GRIP1: variants seen among roughly 807,000 people sequenced by gnomAD.
GRIP1 encodes the protein glutamate receptor interacting protein 1.
In GRIP1, 45 loss-of-function variants were observed where a neutral mutation model predicts 129.9. The observed-to-expected ratio is 0.35, with a 90% CI of 0.27 to 0.44. The LOEUF (loss-of-function observed/expected upper bound fraction) is 0.44, where lower values mean the gene tolerates loss of function less well. Ranked by LOEUF, GRIP1 falls within the 20% of genes least tolerant of loss-of-function variation. The probability of loss-of-function intolerance (pLI) is 1.00; values close to 1 mark genes in which losing one functional copy is unlikely to be tolerated. For synonymous variants in GRIP1, 530 were observed against 520.8 expected, an observed-to-expected ratio of 1.02 and a Z score of -0.24; for missense variants, 1,196 against 1,396.8, an observed-to-expected ratio of 0.86 and a Z score of 2.29.
chr12:66,877,141 T>C (rs989650168), intron 1 of GRIP1, among the ~76,000 whole-genome samples: 15 of 151,982 alleles, frequency 9.9e-5, no homozygotes, highest in Admixed American at 9.8e-4. Context: ...GGCATCTGAG[T>C]TGCCAATACA....
At chr12:67,060,330 A>G (rs1365363992) in intron 1 of GRIP1, among the ~76,000 whole-genome samples, 1 of 152,216 alleles carries the variant, frequency 6.6e-6, no homozygotes, top group Non-Finnish European at 1.5e-5. Flanking sequence ...TCACACTGCA[A>G]GAGGGAATTT....
intron 6 of GRIP1, among the ~76,000 whole-genome samples, chr12:66,517,079 T>G (rs1319425221): frequency 6.6e-6 from 1 of 152,138 alleles, no homozygotes; most frequent in African/African-American, 2.4e-5. Context: ...ATTATCTCTA[T>G]CTCTTAACAA....
intron 1 of GRIP1, among the ~76,000 whole-genome samples, chr12:67,033,758 T>C (rs939599389): frequency 5.3e-5 from 8 of 152,178 alleles, no homozygotes; most frequent in African/African-American, 1.9e-4. Context: ...CCATTGGTTG[T>C]CTCATATCTA....
chr12:66,973,760 G>A (rs1396877237), intron 1 of GRIP1, among the ~76,000 whole-genome samples: 1 of 151,918 alleles, frequency 6.6e-6, no homozygotes, highest in Non-Finnish European at 1.5e-5. Context: ...TACATATCAG[G>A]TACAAGTGCA....
At chr12:66,727,026 C>G (rs1007659442) in intron 1 of GRIP1, among the ~76,000 whole-genome samples, 1 of 152,110 alleles carries the variant, frequency 6.6e-6, no homozygotes, top group Non-Finnish European at 1.5e-5. Flanking sequence ...CTTCTAAATA[C>G]GATAAAAATA....
chr12:66,958,470 A>G (rs1480663486), intron 1 of GRIP1, among the ~76,000 whole-genome samples: 1 of 152,126 alleles, frequency 6.6e-6, no homozygotes, highest in Non-Finnish European at 1.5e-5. Flanking sequence ...TGTGGGAATA[A>G]AAAAATGCTC....
At chr12:66,888,781 T>C (rs557305045) in intron 1 of GRIP1, among the ~76,000 whole-genome samples, 10 of 152,280 alleles carry the variant, frequency 6.6e-5, no homozygotes, top group Non-Finnish European at 1.3e-4. Context: ...ATATTGTGAG[T>C]TTATAATATG....
intron 1 of GRIP1, among the ~76,000 whole-genome samples, chr12:66,911,982 A>G (rs1246290993): frequency 6.6e-6 from 1 of 152,206 alleles, no homozygotes; most frequent in Non-Finnish European, 1.5e-5. Flanking sequence ...AGAAAAAGTA[A>G]TTACATCAAT....
intron 1 of GRIP1, among the ~76,000 whole-genome samples, chr12:66,955,492 A>G (rs2041825312): frequency 6.9e-6 from 1 of 145,226 alleles, no homozygotes; most frequent in Non-Finnish European, 1.5e-5. Flanking sequence ...TATAGTATAT[A>G]TTACTTTTTT....
intron 1 of GRIP1, among the ~76,000 whole-genome samples, chr12:66,780,434 C>T (rs1195710559): frequency 6.6e-6 from 1 of 152,178 alleles, no homozygotes; most frequent in Admixed American, 6.5e-5. Context: ...AGCAGTCTTG[C>T]CCCTGTGAAC....
At chr12:66,537,730 C>T (rs1429738307) in intron 4 of GRIP1, among the ~76,000 whole-genome samples, 1 of 152,044 alleles carries the variant, frequency 6.6e-6, no homozygotes, top group Non-Finnish European at 1.5e-5. Context: ...AGAACATGGG[C>T]CCTTCATAAT....
intron 2 of GRIP1, among the ~76,000 whole-genome samples, chr12:66,589,497 T>C (rs1461324874): frequency 6.6e-6 from 1 of 152,176 alleles, no homozygotes; most frequent in Non-Finnish European, 1.5e-5. Context: ...CTGAGAAGCA[T>C]CTCATTCCAA....
intron 1 of GRIP1, among the ~76,000 whole-genome samples, chr12:66,909,843 T>C (rs897953128): frequency 6.6e-6 from 1 of 152,158 alleles, no homozygotes; most frequent in Non-Finnish European, 1.5e-5. Context: ...CTGAACACAA[T>C]AAAATAGTTC....
chr12:66,971,197 T>G (rs1478376213), intron 1 of GRIP1, among the ~76,000 whole-genome samples: 1 of 152,180 alleles, frequency 6.6e-6, no homozygotes, highest in Non-Finnish European at 1.5e-5. Flanking sequence ...TAGCTGTGAC[T>G]GTCTGAATGT....
intron 7 of GRIP1, among the ~76,000 whole-genome samples, chr12:66,512,545 A>G (rs7977592): frequency 0.46 from 66,570 of 144,876 alleles, 16,149 homozygotes; most frequent in African/African-American, 0.53. Context: ...AGGGAAATAA[A>G]CAACTGAGAA....
intron 16 of GRIP1, among the ~76,000 whole-genome samples, chr12:66,399,398 T>C (rs1335260612): frequency 6.6e-6 from 1 of 151,962 alleles, no homozygotes; most frequent in African/African-American, 2.4e-5. Context: ...TGCTCCAGTG[T>C]AGAAGTCTTA....
intron 5 of GRIP1, among the ~76,000 whole-genome samples, chr12:66,528,135 T>A (rs1052876092): frequency 2.4e-4 from 22 of 90,596 alleles, no homozygotes; most frequent in African/African-American, 1.4e-3. Context: ...AATTAGTAGG[T>A]TTTTTTTTTT....
At chr12:67,029,671 T>C (rs778225376) in intron 1 of GRIP1, among the ~76,000 whole-genome samples, 1 of 151,018 alleles carries the variant, frequency 6.6e-6, no homozygotes, top group African/African-American at 2.4e-5. Context: ...TTGGCAACGA[T>C]ATAACATTGC....
At chr12:66,460,076 AGAT>A (rs1356047233) in intron 9 of GRIP1, among the ~76,000 whole-genome samples, 1 of 152,172 alleles carries the variant, frequency 6.6e-6, no homozygotes, top group East Asian at 1.9e-4. Flanking sequence ...CCCATTTTAC[AGAT>A]GAAGCAACTG....
Sources: allele counts gnomAD v4.1 joint callset (sites outside exome capture counted in the v4.1 genomes callset), GRCh38; gene constraint gnomAD v4.1.1; transcripts MANE v1.5; gene names NCBI Gene and HGNC (gene_info 2026-07-23, HGNC 2026-07-21).